Variants in CEP112 observed in about 807,000 individuals in gnomAD.
The protein encoded by CEP112 is centrosomal protein of 112 kDa.
In CEP112, 127 loss-of-function variants were observed where a neutral mutation model predicts 153.0. The ratio of observed to expected loss-of-function variants is 0.83; its 90% CI spans 0.72 to 0.96. The LOEUF is 0.96. Among genes scored for constraint, CEP112 ranks in the 40% least tolerant of loss-of-function variants. CEP112 has a pLI of 0.00. For missense variants in CEP112, 1,089 were observed against 1,101.2 expected (o/e 0.99, Z 0.16); for synonymous variants, 358 against 374.4 (o/e 0.96, Z 0.51).
At chr17:65,840,089 A>G (rs1176420924) in intron 21 of CEP112, among the ~76,000 whole-genome samples, 2 of 152,150 alleles carry the variant, frequency 1.3e-5, no homozygotes. Flanking sequence ...CACACTACCC[A>G]TAACAATCTA....
chr17:66,004,766 A>C (rs1435666292), intron 17 of CEP112, among the ~76,000 whole-genome samples: 1 of 152,210 alleles, frequency 6.6e-6, no homozygotes, highest in African/African-American at 2.4e-5. Context: ...ATTCGATACT[A>C]AATGTGTTTG....
chr17:65,860,980 G>A (rs909950691), intron 20 of CEP112, among the ~76,000 whole-genome samples: 3 of 152,172 alleles, frequency 2.0e-5, no homozygotes, highest in Non-Finnish European at 2.9e-5. Flanking sequence ...TTGAAAACAC[G>A]CTGAGTGAAG....
In CEP112 at chr17:65,937,634, G is replaced by C. The variant is rs1438266811; in HGVS notation, c.1873-9945C>G. Among the ~76,000 whole-genome samples the C allele has an allele frequency of 2.2e-5, 2 of 92,762 alleles. 1 individual carries two copies. The highest frequency in any genetic ancestry group is 7.5e-5 in the African/African-American group (2 of 26,742). 60.9% of individuals were successfully genotyped at this position (92,762 alleles called of 152,430 possible). On this transcript the variant is annotated intron_variant, in intron 18 of 26. Transcript: ENST00000535342. The stretch of plus-strand genomic sequence containing the variant: ...AGGGAGGTGGGGGGGTCAGCCCCCC[G>C]CCCGGCCAGCCGCCCTGTCCGGGAG...
chr17:65,754,636 T>TA (rs1443425452), intron 21 of CEP112, among the ~76,000 whole-genome samples: 1 of 151,836 alleles, frequency 6.6e-6, no homozygotes, highest in African/African-American at 2.4e-5. Context: ...TAAGATAAAA[T>TA]AAAATAAAAT....
intron 6 of CEP112, among the ~76,000 whole-genome samples, chr17:66,115,431 C>A (rs1424417384): frequency 6.6e-6 from 1 of 152,236 alleles, no homozygotes; most frequent in Non-Finnish European, 1.5e-5. Flanking sequence ...GCAACTTGGG[C>A]AGCTCATCTA....
At chr17:66,009,933 T>G (rs2064442850) in intron 16 of CEP112, among the ~76,000 whole-genome samples, 1 of 152,236 alleles carries the variant, frequency 6.6e-6, no homozygotes, top group African/African-American at 2.4e-5. Flanking sequence ...ACGATTGTCT[T>G]GGATATTCAA....
chr17:66,126,564 C>T (rs1047277768), intron 6 of CEP112, among the ~76,000 whole-genome samples: 36 of 151,278 alleles, frequency 2.4e-4, no homozygotes, highest in African/African-American at 7.0e-4. Flanking sequence ...AGCAAGAAAG[C>T]GTCATAAAAA....
intron 10 of CEP112, among the ~76,000 whole-genome samples, chr17:66,063,774 G>C (rs1831662092): frequency 6.6e-6 from 1 of 152,094 alleles, no homozygotes; most frequent in East Asian, 1.9e-4. Context: ...CTCTGACATG[G>C]ACAAGAGTTC....
intron 17 of CEP112, among the ~76,000 whole-genome samples, chr17:65,999,963 T>C (rs1438833773): frequency 6.6e-6 from 1 of 152,212 alleles, no homozygotes; most frequent in Non-Finnish European, 1.5e-5. Flanking sequence ...CTTCATATAA[T>C]CTATCACTAA....
At chr17:65,959,063 C>T (rs1188077167) in intron 18 of CEP112, among the ~76,000 whole-genome samples, 1 of 152,038 alleles carries the variant, frequency 6.6e-6, no homozygotes, top group East Asian at 1.9e-4. Context: ...CATCCCAGGG[C>T]CTACTCTCTG....
intron 20 of CEP112, among the ~76,000 whole-genome samples, chr17:65,856,231 A>G (rs1289440183): frequency 2.6e-5 from 4 of 152,204 alleles, no homozygotes; most frequent in African/African-American, 7.2e-5. Context: ...AGAATTGCGC[A>G]TTGGAAGGAT....
chr17:65,747,390 A>G (rs1436825837), intron 22 of CEP112, among the ~76,000 whole-genome samples: 1 of 152,044 alleles, frequency 6.6e-6, no homozygotes, highest in Admixed American at 6.6e-5. Context: ...GGTAGGAGAC[A>G]CTCGTCCCTT....
At chr17:65,736,621 G>C (rs1356906504) in intron 23 of CEP112, among the ~76,000 whole-genome samples, 1 of 152,186 alleles carries the variant, frequency 6.6e-6, no homozygotes, top group African/African-American at 2.4e-5. Context: ...ATGGGAAAGA[G>C]GGGTTCCGAA....
chr17:66,061,129 T>C (rs993433947), intron 11 of CEP112, among the ~76,000 whole-genome samples: 20 of 152,114 alleles, frequency 1.3e-4, no homozygotes, highest in Admixed American at 3.9e-4. Context: ...AGGACCTAAA[T>C]AGACATTTCT....
chr17:65,728,979 T>TA (rs888140570), intron 23 of CEP112, among the ~76,000 whole-genome samples: 2 of 151,654 alleles, frequency 1.3e-5, no homozygotes, highest in African/African-American at 4.8e-5. Context: ...TTTATAAACT[T>TA]AAAAAAAAAT....
intron 17 of CEP112, among the ~76,000 whole-genome samples, chr17:65,962,492 T>C (rs1448787036): frequency 5.9e-5 from 9 of 152,330 alleles, no homozygotes; most frequent in East Asian, 1.9e-4. Context: ...TCTTTGCATG[T>C]TGATAGAAGA....
intron 18 of CEP112, among the ~76,000 whole-genome samples, chr17:65,951,113 G>C (rs1385883783): frequency 6.6e-6 from 1 of 151,994 alleles, no homozygotes; most frequent in Admixed American, 6.6e-5. Flanking sequence ...ATAATTGTCT[G>C]TATATGTTGC....
intron 8 of CEP112, among the ~76,000 whole-genome samples, chr17:66,071,821 T>C (rs2067317231): frequency 6.6e-6 from 1 of 152,134 alleles, no homozygotes; most frequent in South Asian, 2.1e-4. Context: ...AGAAATCACA[T>C]AGCATCTGAA....
rs1306795394 is a variant in CEP112 at position 66,122,038 on chromosome 17, G to T, written c.642+7708C>A. On this transcript the variant is annotated intron_variant, in intron 6 of 26. Coordinates refer to ENST00000535342, the MANE Select transcript of CEP112 (RefSeq NM_001199165.4). ...GCTTCCCAAGTAGCTGGGACTACAG[G>T]TGTGCACCACCATGCCCAAATAATT... 2.6e-5 allele frequency among the ~76,000 whole-genome samples: 4 copies of T among 152,088 alleles called. No homozygotes were observed. In the East Asian group the frequency reaches 7.7e-4, roughly 29 times the overall value.
Sources: gnomAD v4.1 joint callset for allele counts (sites outside exome capture counted in the v4.1 genomes callset) on GRCh38, gnomAD v4.1.1 for gene constraint, MANE v1.5 for transcripts, NCBI Gene and HGNC (gene_info 2026-07-23, HGNC 2026-07-21) for gene names.